Variants in ARHGAP26 observed in about 807,000 individuals in gnomAD.
ARHGAP26 encodes the protein rho GTPase-activating protein 26.
A neutral mutation model predicts 104.8 loss-of-function variants in ARHGAP26; 38 were observed. The ratio of observed to expected loss-of-function variants is 0.36; its 90% confidence interval spans 0.28 to 0.48. The LOEUF (loss-of-function observed/expected upper bound fraction) is 0.48. Ranked by LOEUF, ARHGAP26 falls within the 20% of genes least tolerant of loss-of-function variation. The pLI, the probability that ARHGAP26 is intolerant of heterozygous loss-of-function variation, is 0.99. For synonymous variants in ARHGAP26, 341 were observed against 340.0 expected (o/e 1.00, Z -0.03); for missense variants, 704 against 947.9 (o/e 0.74, Z 3.38).
intron 3 of ARHGAP26, among the ~76,000 whole-genome samples, chr5:142,878,912 CA>C (rs1157523307): frequency 6.6e-6 from 1 of 152,078 alleles, no homozygotes. Flanking sequence ...TAGAGCAACA[CA>C]AAATCAAGCT....
At chr5:143,045,529 A>G (rs1462784206) in intron 14 of ARHGAP26, among the ~76,000 whole-genome samples, 1 of 152,242 alleles carries the variant, frequency 6.6e-6, no homozygotes, top group African/African-American at 2.4e-5. Context: ...AGTATAAAAT[A>G]AACATGGCAC....
intron 1 of ARHGAP26, among the ~76,000 whole-genome samples, chr5:142,849,987 T>G (rs1427940671): frequency 1.3e-5 from 2 of 152,220 alleles, no homozygotes; most frequent in Non-Finnish European, 2.9e-5. Flanking sequence ...GTTCAGACCC[T>G]GGCTACCTCT....
chr5:142,819,895 T>C (rs894019934), intron 1 of ARHGAP26, among the ~76,000 whole-genome samples: 1 of 152,174 alleles, frequency 6.6e-6, no homozygotes, highest in Non-Finnish European at 1.5e-5. Context: ...TGGTGTTGCA[T>C]ACACCAGGGT....
chr5:142,860,254 A>T (rs1485669550), intron 1 of ARHGAP26: 2 of 152,152 alleles, frequency 1.3e-5, no homozygotes, highest in South Asian at 2.1e-4. Flanking sequence ...TGAGCATGGG[A>T]CCCTGTGCAT....
intron 11 of ARHGAP26, among the ~76,000 whole-genome samples, chr5:142,979,323 A>G (rs1773589491): frequency 6.6e-6 from 1 of 152,082 alleles, no homozygotes. Flanking sequence ...CCCCAAGTCT[A>G]CTGAATTTTG....
rs1798386059 is a variant in ARHGAP26 at position 143,140,514 on chromosome 5, C to T, written c.1837+6409C>T. 3.3e-5 allele frequency among the ~76,000 whole-genome samples: 5 copies of T among 152,130 alleles called. No homozygotes were observed. In the South Asian group the frequency reaches 1.0e-3, roughly 32 times the overall value. ...AAAGTACTTGACATTGGGCCTAGAC[C>T]ATAGTAAGCACCTAATAAATGTTAG... On this transcript the variant is annotated intron_variant, in intron 19 of 22. Transcript: ENST00000645722.
chr5:142,936,506 T>C lies in ARHGAP26; in HGVS notation c.1107+4381T>C, dbSNP rs540720894. ...ATTAGAATCACAGCAAGATTTCTTA[T>C]AGATACAGACAAGCTTGTTCTAAAA... On this transcript the variant is annotated intron_variant, in intron 11 of 22. Transcript: ENST00000645722. 5.3e-5 allele frequency among the ~76,000 whole-genome samples: 8 copies of C among 152,306 alleles called. No individual in the cohort carries two copies. The South Asian group carries it at 1.7e-3, about 32-fold the overall frequency.
intron 1 of ARHGAP26, among the ~76,000 whole-genome samples, chr5:142,808,116 T>C (rs1763336583): frequency 6.6e-6 from 1 of 151,442 alleles, no homozygotes; most frequent in Non-Finnish European, 1.5e-5. Context: ...GTGCCTGTAG[T>C]CCCAGCTACT....
chr5:143,109,083 G>T (rs1325849691), intron 17 of ARHGAP26, among the ~76,000 whole-genome samples: 1 of 152,192 alleles, frequency 6.6e-6, no homozygotes, highest in Non-Finnish European at 1.5e-5. Context: ...TTGTTACAAT[G>T]GTGAAATTCA....
chr5:143,105,319 T>C, intron 17 of ARHGAP26, among the ~76,000 whole-genome samples: 1 of 151,750 alleles, frequency 6.6e-6, no homozygotes, highest in East Asian at 1.9e-4. Flanking sequence ...GGAGGTTGTG[T>C]GAGCCAAGAT....
intron 17 of ARHGAP26, among the ~76,000 whole-genome samples, chr5:143,109,331 G>A (rs1474345759): frequency 1.3e-5 from 2 of 152,212 alleles, no homozygotes; most frequent in South Asian, 2.1e-4. Context: ...AAGGCACAGG[G>A]CCTGACACAT....
chr5:142,968,823 T>A (rs193028417), intron 11 of ARHGAP26, among the ~76,000 whole-genome samples: 1 of 152,264 alleles, frequency 6.6e-6, no homozygotes, highest in African/African-American at 2.4e-5. Flanking sequence ...ATCCCTTCCC[T>A]GACAAACTGC....
intron 1 of ARHGAP26, chr5:142,771,250 A>G (rs1755134130): frequency 1.6e-6 from 2 of 1,255,786 alleles, no homozygotes; most frequent in East Asian, 3.1e-5. Context: ...CGCCGCAGCC[A>G]GCGGGCAGAT....
At chr5:143,179,211 A>G (rs1193793082) in intron 20 of ARHGAP26, among the ~76,000 whole-genome samples, 1 of 152,132 alleles carries the variant, frequency 6.6e-6, no homozygotes, top group Non-Finnish European at 1.5e-5. Context: ...TCAGACATTA[A>G]TATACCAGCT....
Position 143,165,715 on chromosome 5 carries a change from C to T in ARHGAP26, c.1988+18334C>T, listed in dbSNP as rs983002238. ...GGTAATTCTTTAGTCATCACCCCAC[C>T]GACCCTCCCCACTTTTGGAATCCCC... On this transcript the variant is annotated intron_variant, in intron 20 of 22. Coordinates refer to ENST00000645722, the MANE Select transcript of ARHGAP26 (RefSeq NM_001135608.3). Among the ~76,000 whole-genome samples the T allele has an allele frequency of 3.9e-5, 6 of 152,126 alleles. No homozygotes were observed. The East Asian group carries it at 5.8e-4, about 15-fold the overall frequency.
chr5:143,043,331 A>G (rs1783748449), intron 14 of ARHGAP26, among the ~76,000 whole-genome samples: 1 of 152,212 alleles, frequency 6.6e-6, no homozygotes, highest in African/African-American at 2.4e-5. Flanking sequence ...TTGTTTTTCA[A>G]TCAGTGTAAT....
At chr5:143,092,188 T>TTGGGC (rs1276787689) in intron 17 of ARHGAP26, among the ~76,000 whole-genome samples, 1 of 142,448 alleles carries the variant, frequency 7.0e-6, no homozygotes, top group Non-Finnish European at 1.5e-5. Flanking sequence ...TTTTTTGAGA[T>TTGGGC]GGAGTCTCCC....
At chr5:142,980,352 C>CTTTTAT (rs375787576) in intron 11 of ARHGAP26, among the ~76,000 whole-genome samples, 28 of 131,468 alleles carry the variant, frequency 2.1e-4, no homozygotes, top group African/African-American at 6.1e-4. Context: ...CTCTAGGAAC[C>CTTTTAT]TTTATTTTAT....
At chr5:143,013,427 A>G (rs1779155902) in intron 11 of ARHGAP26, among the ~76,000 whole-genome samples, 1 of 152,088 alleles carries the variant, frequency 6.6e-6, no homozygotes, top group African/African-American at 2.4e-5. Flanking sequence ...CTTTTTCTTT[A>G]TTGGGGTACT....
Sources: gnomAD v4.1 joint callset for allele counts (sites outside exome capture counted in the v4.1 genomes callset) on GRCh38, gnomAD v4.1.1 for gene constraint, MANE v1.5 for transcripts, NCBI Gene and HGNC (gene_info 2026-07-23, HGNC 2026-07-21) for gene names.